The following TSTD2 variants were observed in gnomAD, a reference collection of about 807,000 sequenced individuals.
TSTD2 encodes thiosulfate sulfurtransferase like domain containing 2.
In TSTD2, 37 loss-of-function variants were observed where a neutral mutation model predicts 47.9. That is an observed-to-expected ratio of 0.77 (90% CI 0.59 to 1.02). TSTD2 has a LOEUF of 1.02. Among genes scored for constraint, TSTD2 ranks in the 50% least tolerant of loss-of-function variants. The pLI, the probability that TSTD2 is intolerant of heterozygous loss-of-function variation, is 0.00. For missense variants in TSTD2, 586 were observed against 616.0 expected, an observed-to-expected ratio of 0.95 and a Z score of 0.52; for synonymous variants, 201 against 215.9, an observed-to-expected ratio of 0.93 and a Z score of 0.61.
chr9:97,602,356 G>T lies in TSTD2; in HGVS notation c.*113C>A. 1.5e-6 allele frequency: 2 copies of T among 1,311,962 alleles called. No individual in the cohort carries two copies. The highest frequency in any genetic ancestry group is 1.0e-6 in the Non-Finnish European group (1 of 981,272). The allele number at this position is 1,311,962 out of a possible 1,614,324, so 81.3% of individuals were successfully genotyped here. ...GTAGACGGCTGCCACGGTGGCAGCG[G>T]CCAGAACTGAAGTTCCCGATTTCTC... On this transcript the variant is annotated 3_prime_UTR_variant, in exon 10 of 10. Transcript: ENST00000341170.
chr9:97,621,566 A>C (rs1169773690), intron 3 of TSTD2, among the ~76,000 whole-genome samples: 1 of 152,184 alleles, frequency 6.6e-6, no homozygotes, highest in African/African-American at 2.4e-5. Context: ...TGGGAAGGGA[A>C]TGCATTCCCG....
intron 3 of TSTD2, among the ~76,000 whole-genome samples, chr9:97,619,685 C>T (rs2131313770): frequency 6.6e-6 from 1 of 152,058 alleles, no homozygotes; most frequent in Non-Finnish European, 1.5e-5. Flanking sequence ...TACTTTAATA[C>T]AGTATACAAT....
At chr9:97,622,044 CTTTA>C (rs1826647251) in intron 3 of TSTD2, among the ~76,000 whole-genome samples, 1 of 152,102 alleles carries the variant, frequency 6.6e-6, no homozygotes, top group Admixed American at 6.5e-5. Flanking sequence ...TACTCTTTCT[CTTTA>C]TTTCTCAGGC....
intron 4 of TSTD2, among the ~76,000 whole-genome samples, chr9:97,616,243 A>G (rs987012587): frequency 7.2e-5 from 11 of 152,218 alleles, no homozygotes; most frequent in Non-Finnish European, 1.3e-4. Context: ...TTGCTGGAGT[A>G]TAATGAGCAA....
At chr9:97,615,646 T>C (rs1826531959) in intron 4 of TSTD2, among the ~76,000 whole-genome samples, 1 of 152,226 alleles carries the variant, frequency 6.6e-6, no homozygotes. Flanking sequence ...CCTTGACACC[T>C]AGGAATTTAT....
At chr9:97,628,885 T>C (rs1044764723) in intron 1 of TSTD2, among the ~76,000 whole-genome samples, 2 of 152,328 alleles carry the variant, frequency 1.3e-5, no homozygotes, top group Admixed American at 1.3e-4. Context: ...GGCCTCCAGC[T>C]GACAGCCAGC....
Position 97,602,694 on chromosome 9 carries a change from C to T in TSTD2, c.1326G>A (p.Leu442=). 2 of 1,614,160 alleles carry T rather than the reference C, an allele frequency of 1.2e-6. No homozygotes were observed. Among genetic ancestry groups the T allele is most frequent in the Non-Finnish European group, 1.7e-6 (2 of 1,180,024 alleles). ...CTTGTCCTTGACAGGCAGGGCAGGTCAAAACGAGCTGGCGGCACTGGGGAG... is the reference window on the plus strand; with the variant it reads ...CTTGTCCTTGACAGGCAGGGCAGGTTAAAACGAGCTGGCGGCACTGGGGAG... The part of the protein sequence containing the change: ...CSTPQCRQLV[L]TCPACQGQGF... Residue 442 remains leucine, a synonymous_variant, in exon 10 of 10, where the codon TTG becomes TTA. Coordinates refer to ENST00000341170, the MANE Select transcript of TSTD2 (RefSeq NM_139246.5).
intron 1 of TSTD2, among the ~76,000 whole-genome samples, chr9:97,629,262 G>A (rs1442168829): frequency 1.3e-5 from 2 of 152,180 alleles, no homozygotes; most frequent in Non-Finnish European, 2.9e-5. Context: ...CAGTTTATGT[G>A]TGGGGGAACA....
At chr9:97,618,612 G>C (rs1395485284) in intron 3 of TSTD2, among the ~76,000 whole-genome samples, 1 of 152,166 alleles carries the variant, frequency 6.6e-6, no homozygotes, top group Non-Finnish European at 1.5e-5. Context: ...CCTCTTAAAG[G>C]CTCTGAGAAG....
In TSTD2 at chr9:97,602,705, G is replaced by A. The variant is rs573774061; in HGVS notation, c.1315C>T (p.Gln439Ter). Residue 439 changes from glutamine (Q) to a stop codon, truncating the protein, a stop_gained, in exon 10 of 10, where the codon CAG (glutamine) becomes TAG (stop). Transcript: ENST00000341170. LOFTEE classifies it low-confidence loss of function (END_TRUNC). ...CAGGCAGGGCAGGTCAAAACGAGCT[G>A]GCGGCACTGGGGAGTAGAGCAGAGT... ...YKLCSTPQCR[Q>*]LVLTCPACQG... 6.8e-6 allele frequency: 11 copies of A among 1,614,190 alleles called. No individual in the cohort carries two copies. Among genetic ancestry groups the A allele is most frequent in the South Asian group, 2.2e-5 (2 of 91,066 alleles).
intron 3 of TSTD2, among the ~76,000 whole-genome samples, chr9:97,619,027 G>T (rs892561935): frequency 6.6e-6 from 1 of 152,186 alleles, no homozygotes; most frequent in Non-Finnish European, 1.5e-5. Context: ...CCTGAAGTGT[G>T]GGGCCATATG....
At chr9:97,616,367 A>T (rs1826541285) in intron 4 of TSTD2, among the ~76,000 whole-genome samples, 1 of 152,180 alleles carries the variant, frequency 6.6e-6, no homozygotes, top group Non-Finnish European at 1.5e-5. Flanking sequence ...GCAGCCACTG[A>T]AAGAGTTTGA....
chr9:97,613,698 A>T (rs1377551400), intron 4 of TSTD2, among the ~76,000 whole-genome samples: 2 of 152,190 alleles, frequency 1.3e-5, no homozygotes, highest in Non-Finnish European at 2.9e-5. Context: ...GATTTAATTC[A>T]AGGTCCTATA....
chr9:97,627,642 T>C, intron 1 of TSTD2, 30 bp from the exon 2 acceptor site: 4 of 1,337,010 alleles, frequency 3.0e-6, no homozygotes, highest in African/African-American at 1.5e-5. Flanking sequence ...GAAGCAGCCA[T>C]GCTATTCTTT....
rs1826286653 is a variant in TSTD2, at chr9:97,602,737, T to C, written c.1283A>G (p.Gln428Arg). Residue 428 changes from glutamine to arginine, a missense_variant, in exon 10 of 10, where the codon CAG (glutamine) becomes CGG (arginine). Coordinates refer to ENST00000341170, the MANE Select transcript of TSTD2 (RefSeq NM_139246.5). ...CTGGGGAGTAGAGCAGAGTTTATAC[T>C]GGTCCCAGCGGGCTCCACAGTATGA... ...ECSYCGARWD[Q>R]YKLCSTPQCR... is the part of the protein sequence containing the mutation. 6.2e-7 allele frequency: 1 copy of C among 1,613,466 alleles called. No individual in the cohort carries two copies. The highest frequency in any genetic ancestry group is 8.5e-7 in the Non-Finnish European group (1 of 1,179,572).
At chr9:97,626,064 C>A in intron 2 of TSTD2, 67 bp from the exon 3 acceptor site, 1 of 1,441,550 alleles carries the variant, frequency 6.9e-7, no homozygotes, top group Non-Finnish European at 9.3e-7. Flanking sequence ...AGAAGTCTCA[C>A]TAAGATTCTT....
intron 2 of TSTD2, among the ~76,000 whole-genome samples, chr9:97,626,308 T>A (rs1826719618): frequency 6.6e-6 from 1 of 152,136 alleles, no homozygotes; most frequent in Non-Finnish European, 1.5e-5. Context: ...ATATCACAAA[T>A]AACACTATTA....
In TSTD2 at chr9:97,601,637, G is replaced by C. The variant is rs1041002495; in HGVS notation, c.*832C>G. The C allele has an allele frequency of 1.0e-6, 1 of 957,082 alleles. No homozygotes were observed. The allele number at this position is 957,082 out of a possible 1,614,324, so 59.3% of individuals were successfully genotyped here. On this transcript the variant is annotated 3_prime_UTR_variant, in exon 10 of 10. Coordinates refer to ENST00000341170, the MANE Select transcript of TSTD2 (RefSeq NM_139246.5). ...AAAAGGCCAGACAGTAAAAATTTCC[G>C]ATTTTGCAGGCCACATAGTGTCTGT... is the stretch of plus-strand genomic sequence containing the variant.
intron 3 of TSTD2, among the ~76,000 whole-genome samples, chr9:97,624,402 G>A (rs1826687460): frequency 6.6e-6 from 1 of 152,094 alleles, no homozygotes; most frequent in Non-Finnish European, 1.5e-5. Context: ...CCACATGAGT[G>A]AACCTGGAAA....
Sources: gnomAD v4.1 joint callset for allele counts (sites outside exome capture counted in the v4.1 genomes callset) on GRCh38, gnomAD v4.1.1 for gene constraint, MANE v1.5 for transcripts, NCBI Gene and HGNC (gene_info 2026-07-23, HGNC 2026-07-21) for gene names.